Variants in NRSN1 observed in about 807,000 individuals in gnomAD.
NRSN1 encodes the protein neurensin-1.
NRSN1 carries 14 observed loss-of-function variants against 17.3 expected under a neutral mutation model. The ratio of observed to expected loss-of-function variants is 0.81; its 90% CI spans 0.54 to 1.27. The LOEUF is 1.27. NRSN1 is among the 50% of genes most tolerant of loss of function. The pLI is 0.00. For synonymous variants in NRSN1, 79 were observed against 94.2 expected (o/e 0.84, Z 0.93); for missense variants, 209 against 235.9 (o/e 0.89, Z 0.75).
chr6:24,142,511 T>A (rs1293822413), intron 3 of NRSN1, among the ~76,000 whole-genome samples: 1 of 151,928 alleles, frequency 6.6e-6, no homozygotes, highest in African/African-American at 2.4e-5. Context: ...CAGGCTGGAG[T>A]ACAACAATGT....
At chr6:24,138,624 G>T (rs113761715) in intron 3 of NRSN1, among the ~76,000 whole-genome samples, 17 of 152,098 alleles carry the variant, frequency 1.1e-4, no homozygotes, top group African/African-American at 4.1e-4. Flanking sequence ...AGGTGTGACC[G>T]CCTCCTCCAC....
At chr6:24,134,004 T>TTGTGTGTGTG (rs71002461) in intron 2 of NRSN1, among the ~76,000 whole-genome samples, 7,110 of 132,830 alleles carry the variant, frequency 0.054, 256 homozygotes, top group East Asian at 0.095. Context: ...ACCCAGCTAA[T>TTGTGTGTGTG]TGTGTGTGTG....
Position 24,145,713 on chromosome 6 carries a change from G to A in NRSN1, c.355G>A (p.Gly119Arg), listed in dbSNP as rs1760292660. 6.2e-7 allele frequency: 1 copy of A among 1,614,214 alleles called. No homozygotes were observed. Among genetic ancestry groups the A allele is most frequent in the Non-Finnish European group, 8.5e-7 (1 of 1,180,022 alleles). ...NSALDMYKLA[G>R]AVLFCIGGTS... ...TGCTCTGGACATGTACAAGCTGGCA[G>A]GAGCTGTTCTCTTCTGCATTGGAGG... Residue 119 changes from glycine (G) to arginine (R), a missense_variant, in exon 4 of 4, where the codon GGA (glycine) becomes AGA (arginine). Gly to Arg is a moderately radical substitution (Grantham distance 125, BLOSUM62 -2). Transcript: ENST00000378491. This position sits in a 1 kb window ranked among gnomAD's most constrained non-coding sequence, Gnocchi z 4.4.
At chr6:24,133,036 G>A (rs956793614) in intron 2 of NRSN1, among the ~76,000 whole-genome samples, 4 of 152,112 alleles carry the variant, frequency 2.6e-5, no homozygotes, top group African/African-American at 7.2e-5. Context: ...CTGTCACTCA[G>A]TAATTCTTTC....
At chr6:24,137,638 C>T (rs879752607) in intron 3 of NRSN1, among the ~76,000 whole-genome samples, 1 of 151,982 alleles carries the variant, frequency 6.6e-6, no homozygotes, top group Non-Finnish European at 1.5e-5. Context: ...CCCATTAACT[C>T]GTCATTTAAC....
chr6:24,133,075 TC>T (rs145740477), intron 2 of NRSN1, among the ~76,000 whole-genome samples: 12,449 of 152,188 alleles, frequency 0.082, 701 homozygotes, highest in Non-Finnish European at 0.13. Flanking sequence ...AGTAACAAAA[TC>T]CATATAAATG....
At position 24,145,086 on chromosome 6, in the gene NRSN1, T is replaced by C. The variant is rs1406591667; in HGVS notation, c.190-462T>C. On this transcript the variant is annotated intron_variant, in intron 3 of 3. Coordinates refer to ENST00000378491, the MANE Select transcript of NRSN1 (RefSeq NM_080723.5). The surrounding 1 kb of genome is among the most constrained non-coding windows in gnomAD (Gnocchi z 4.4). ...ATCTTTAGGTATATAATATATATTA[T>C]ATATTTTATATATATCTTTAGATAT... 6.9e-6 allele frequency among the ~76,000 whole-genome samples: 1 copy of C among 145,330 alleles called. No individual in the cohort carries two copies. Among genetic ancestry groups the C allele is most frequent in the Non-Finnish European group, 1.5e-5 (1 of 66,484 alleles).
At chr6:24,140,917 C>A in intron 3 of NRSN1, 1 of 1,302,888 alleles carries the variant, frequency 7.7e-7, no homozygotes, top group South Asian at 2.7e-5. Flanking sequence ...ATTTTCCTTT[C>A]CAGCAGCAGG....
chr6:24,142,929 T>C lies in NRSN1; in HGVS notation c.190-2619T>C, dbSNP rs1760239151. Among the ~76,000 whole-genome samples, 4 of 152,304 alleles carry C rather than the reference T, an allele frequency of 2.6e-5. No homozygotes were observed. The South Asian group carries it at 8.3e-4, about 32-fold the overall frequency. Reference sequence around the variant, plus strand: ...TTTGGCCCCGCCCACATCCTGCTGATTGGTCCATTTTACAGAATGCTGATT... The same window carrying C: ...TTTGGCCCCGCCCACATCCTGCTGACTGGTCCATTTTACAGAATGCTGATT... On this transcript the variant is annotated intron_variant, in intron 3 of 3. Coordinates refer to ENST00000378491, the MANE Select transcript of NRSN1 (RefSeq NM_080723.5).
chr6:24,141,999 ATAGT>A (rs890284056), intron 3 of NRSN1, among the ~76,000 whole-genome samples: 2 of 152,170 alleles, frequency 1.3e-5, no homozygotes, highest in African/African-American at 2.4e-5. Context: ...GTCACCATGG[ATAGT>A]TAAATCAATT....
rs1760198402 is a variant in NRSN1, at chr6:24,141,259, T to A, written c.190-4289T>A. On this transcript the variant is annotated intron_variant, in intron 3 of 3. Transcript: ENST00000378491. The stretch of plus-strand genomic sequence containing the variant: ...ACCTGGGACCAATTCGACTTTGAAC[T>A]GTGTCCAGAGATAATTTTTATGATA... 3 of 1,262,042 alleles carry A rather than the reference T, an allele frequency of 2.4e-6. No individual in the cohort carries two copies. In the South Asian group the frequency reaches 1.1e-4, roughly 48 times the overall value. 78.2% of individuals were successfully genotyped at this position (1,262,042 alleles called of 1,614,324 possible). A position where few individuals can be genotyped will look rare whatever the true frequency, so the allele number is the denominator to read the frequency against.
intron 3 of NRSN1, among the ~76,000 whole-genome samples, chr6:24,138,746 G>C (rs1474621015): frequency 6.6e-6 from 1 of 152,150 alleles, no homozygotes; most frequent in Non-Finnish European, 1.5e-5. Flanking sequence ...AGCTAAGTCA[G>C]AGTTTAAACT....
At chr6:24,134,668 G>A (rs1760090619) in intron 3 of NRSN1, 152 bp downstream of exon 3, 2 of 650,466 alleles carry the variant, frequency 3.1e-6, no homozygotes, top group Non-Finnish European at 5.1e-6. Flanking sequence ...TAGGAAAGAA[G>A]AATCTAAACC....
Position 24,145,594 on chromosome 6 carries a change from T to C in NRSN1, c.236T>C (p.Val79Ala). ...GTTTTTGTGATCCTCGGATTGACTG[T>C]TCTGGCAGTGGGCTTTCTTGTGCCC... ...GTVFVILGLT[V>A]LAVGFLVPPK... is the part of the protein sequence containing the mutation. The change falls in exon 4 of 4, where the codon GTT (valine) becomes GCT (alanine). Residue 79 changes from valine to alanine, a missense_variant. Physicochemically the swap from Val to Ala is moderately conservative, Grantham distance 64. Coordinates refer to ENST00000378491, the MANE Select transcript of NRSN1 (RefSeq NM_080723.5). This position sits in a 1 kb window ranked among gnomAD's most constrained non-coding sequence, Gnocchi z 4.4. 1 of 1,611,166 alleles carries C rather than the reference T, an allele frequency of 6.2e-7. No homozygotes were observed. Among genetic ancestry groups the C allele is most frequent in the Non-Finnish European group, 8.5e-7 (1 of 1,178,210 alleles).
chr6:24,132,147 G>A (rs1760043417), intron 2 of NRSN1, among the ~76,000 whole-genome samples: 1 of 152,146 alleles, frequency 6.6e-6, no homozygotes, highest in South Asian at 2.1e-4. Context: ...CCAGGGCCAT[G>A]TTTTCCTCAA....
At chr6:24,127,198 C>T (rs1016401550) in intron 1 of NRSN1, among the ~76,000 whole-genome samples, 10 of 152,188 alleles carry the variant, frequency 6.6e-5, no homozygotes, top group African/African-American at 2.4e-4. Context: ...TTTTCGTTTG[C>T]TTATCCAGAT....
chr6:24,137,177 T>C (rs370261443), intron 3 of NRSN1, among the ~76,000 whole-genome samples: 8 of 152,336 alleles, frequency 5.3e-5, no homozygotes, highest in Non-Finnish European at 8.8e-5. Flanking sequence ...AGTGCTTTGA[T>C]AGGACTCTGC....
chr6:24,127,521 T>A (rs892283529), intron 1 of NRSN1, among the ~76,000 whole-genome samples: 2 of 152,238 alleles, frequency 1.3e-5, no homozygotes, highest in Non-Finnish European at 2.9e-5. Flanking sequence ...TAGTTGGCAA[T>A]GGCTTTTTAA....
chr6:24,138,929 C>A (rs1484112183), intron 3 of NRSN1, among the ~76,000 whole-genome samples: 1 of 152,150 alleles, frequency 6.6e-6, no homozygotes, highest in Non-Finnish European at 1.5e-5. Context: ...GCACGACTAC[C>A]TCAAACTAAC....
Sources: allele counts gnomAD v4.1 joint callset (sites outside exome capture counted in the v4.1 genomes callset), GRCh38; gene constraint gnomAD v4.1.1; non-coding constraint Gnocchi (gnomAD v3.1); transcripts MANE v1.5; gene names NCBI Gene and HGNC (gene_info 2026-07-23, HGNC 2026-07-21).